The following ZFP37 variants were observed in gnomAD, a reference collection of about 807,000 sequenced individuals.
ZFP37 encodes zinc finger protein 37 homolog.
ZFP37 carries 38 observed loss-of-function variants against 52.1 expected under a neutral mutation model. The observed-to-expected ratio is 0.73, with a 90% CI of 0.56 to 0.96. ZFP37 has a LOEUF of 0.96. Among genes scored for constraint, ZFP37 ranks in the 40% least tolerant of loss-of-function variants. The pLI is 0.00. For missense variants in ZFP37, 695 were observed against 741.4 expected (o/e 0.94, Z 0.73); for synonymous variants, 253 against 259.5 (o/e 0.98, Z 0.24).
chr9:113,045,543 C>T (rs1188023613), intron 3 of ZFP37, among the ~76,000 whole-genome samples: 2 of 152,154 alleles, frequency 1.3e-5, no homozygotes, highest in Non-Finnish European at 2.9e-5. Context: ...TGCTCATATT[C>T]TTTCTGCCAT....
rs1407151655 is a variant in ZFP37 at position 113,039,075 on chromosome 9, T to C, written c.*3650A>G. The C allele has an allele frequency of 1.3e-5, 2 of 152,192 alleles. No individual in the cohort carries two copies. The highest frequency in any genetic ancestry group is 2.9e-5 in the Non-Finnish European group (2 of 68,018). The allele number at this position is 152,192 out of a possible 1,614,324, so 9.4% of individuals were successfully genotyped here. ...TATTACTCAATTTTTGAAGGAATCA[T>C]GCTTTATTTAATCAATTAACTAGCA... On this transcript the variant is annotated 3_prime_UTR_variant, in exon 4 of 4. Transcript: ENST00000374227.
rs1828806537 is a variant in ZFP37, at chr9:113,039,100, A to G, written c.*3625T>C. ...TGCTTTATTTAATCAATTAACTAGC[A>G]ATGTATATGCTATTTCTCTCTGTTC... is the stretch of plus-strand genomic sequence containing the variant. On this transcript the variant is annotated 3_prime_UTR_variant, in exon 4 of 4. Coordinates refer to ENST00000374227, the MANE Select transcript of ZFP37 (RefSeq NM_003408.3). 6.6e-6 allele frequency: 1 copy of G among 152,188 alleles called. No homozygotes were observed. Among genetic ancestry groups the G allele is most frequent in the Non-Finnish European group, 1.5e-5 (1 of 68,018 alleles). 9.4% of individuals were successfully genotyped at this position (152,188 alleles called of 1,614,324 possible).
In ZFP37 at chr9:113,043,873, G is replaced by T; in HGVS notation, c.745C>A (p.His249Asn). Residue 249 changes from histidine (H) to asparagine (N), a missense_variant, in exon 4 of 4, where the codon CAT becomes AAT. Transcript: ENST00000374227. Reference protein sequence around the residue: ...SDKCNKTGKKHDKLCCHSSSH... With the variant: ...SDKCNKTGKKNDKLCCHSSSH... ...GAACTATGACAGCATAATTTGTCAT[G>T]TTTTTTGCCAGTTTTGTTACACTTA... 1.2e-6 allele frequency: 2 copies of T among 1,614,012 alleles called. No homozygotes were observed. Among genetic ancestry groups the T allele is most frequent in the South Asian group, 2.2e-5 (2 of 91,084 alleles).
At chr9:113,054,366 C>T (rs1332577190) in intron 1 of ZFP37, among the ~76,000 whole-genome samples, 1 of 152,134 alleles carries the variant, frequency 6.6e-6, no homozygotes, top group Non-Finnish European at 1.5e-5. Context: ...GTGACCCAGC[C>T]CTCTGTCCCT....
At position 113,043,153 on chromosome 9, in the gene ZFP37, A is replaced by G. The variant is rs1006224118; in HGVS notation, c.1465T>C (p.Tyr489His). ...GCTTTTCCACACTCATTACATTTATAAGGTTTCTCCTTAGTATGAGTTCTT... is the reference window on the plus strand; with the variant it reads ...GCTTTTCCACACTCATTACATTTATGAGGTTTCTCCTTAGTATGAGTTCTT... ...HQRTHTKEKP[Y>H]KCNECGKAFG... Residue 489 changes from tyrosine (Y) to histidine (H), a missense_variant, in exon 4 of 4, where the codon TAT (tyrosine) becomes CAT (histidine). By Grantham distance (83) the Tyr-to-His change is moderately conservative (BLOSUM62 2). This residue lies in a region of ZFP37 where 326 missense variants were observed against 400.5 expected (regional missense o/e 0.81). Coordinates refer to ENST00000374227, the MANE Select transcript of ZFP37 (RefSeq NM_003408.3). 2.5e-6 allele frequency: 4 copies of G among 1,613,786 alleles called. No individual in the cohort carries two copies. Among genetic ancestry groups the G allele is most frequent in the Non-Finnish European group, 3.4e-6 (4 of 1,179,952 alleles).
Position 113,038,936 on chromosome 9 carries a change from C to T in ZFP37, c.*3789G>A, listed in dbSNP as rs1828804658. 6.6e-6 allele frequency: 1 copy of T among 152,106 alleles called. No homozygotes were observed. The highest frequency in any genetic ancestry group is 6.6e-5 in the Admixed American group (1 of 15,260). The allele number at this position is 152,106 out of a possible 1,614,324, so 9.4% of individuals were successfully genotyped here. A position where few individuals can be genotyped will look rare whatever the true frequency, so the allele number is the denominator to read the frequency against. On this transcript the variant is annotated 3_prime_UTR_variant, in exon 4 of 4. Coordinates refer to ENST00000374227, the MANE Select transcript of ZFP37 (RefSeq NM_003408.3). ...TTTAATTTTCTTCAATATTGGATTA[C>T]TCACTTGATGCCTGGAGATGCATCA...
Position 113,043,705 on chromosome 9 carries a change from T to C in ZFP37, c.913A>G (p.Lys305Glu), listed in dbSNP as rs772661441. The C allele has an allele frequency of 1.2e-6, 2 of 1,614,090 alleles. No homozygotes were observed. The highest frequency in any genetic ancestry group is 1.7e-6 in the Non-Finnish European group (2 of 1,179,982). Residue 305 changes from lysine (K) to glutamate (E), a missense_variant, in exon 4 of 4, where the codon AAA (lysine) becomes GAA (glutamate). This residue lies in a region of ZFP37 where 326 missense variants were observed against 400.5 expected (regional missense o/e 0.81). Coordinates refer to ENST00000374227, the MANE Select transcript of ZFP37 (RefSeq NM_003408.3). The part of the protein sequence containing the change: ...CNQCGKVLSH[K>E]QGLIDHQRVH... ...CTCTGATGGTCAATGAGTCCTTGTT[T>C]ATGGCTGAGAACCTTTCCACATTGA...
chr9:113,048,783 C>A (rs1424576512), intron 3 of ZFP37, among the ~76,000 whole-genome samples: 16 of 152,102 alleles, frequency 1.1e-4, no homozygotes, highest in Non-Finnish European at 1.8e-4. Flanking sequence ...ACGTTCCTAC[C>A]ATGTTGAACT....
Position 113,042,595 on chromosome 9 carries a change from A to G in ZFP37, c.*130T>C. Reference sequence around the variant, plus strand: ...ATCCACTGATTCTATATGAAGATCCATTTTCAAAGTTTCTCATGTACAACA... The same window carrying G: ...ATCCACTGATTCTATATGAAGATCCGTTTTCAAAGTTTCTCATGTACAACA... On this transcript the variant is annotated 3_prime_UTR_variant, in exon 4 of 4. Transcript: ENST00000374227. The G allele has an allele frequency of 2.8e-6, 2 of 702,636 alleles. No individual in the cohort carries two copies. Among genetic ancestry groups the G allele is most frequent in the Non-Finnish European group, 4.4e-6 (2 of 454,792 alleles). 43.5% of individuals were successfully genotyped at this position (702,636 alleles called of 1,614,324 possible).
rs1474120861 is a variant in ZFP37 at position 113,052,516 on chromosome 9, G to A, written c.133-2644C>T. Among the ~76,000 whole-genome samples the A allele has an allele frequency of 1.3e-5, 2 of 152,032 alleles. No individual in the cohort carries two copies. Among genetic ancestry groups the A allele is most frequent in the Admixed American group, 6.6e-5 (1 of 15,260 alleles). On this transcript the variant is annotated intron_variant, in intron 1 of 3. Coordinates refer to ENST00000374227, the MANE Select transcript of ZFP37 (RefSeq NM_003408.3). This position sits in a 1 kb window ranked among gnomAD's most constrained non-coding sequence, Gnocchi z 4.1. The stretch of plus-strand genomic sequence containing the variant: ...GTACAAAGTCAGTTAATCAGCATGA[G>A]GTAAAGTCCACAGGACACCAGGCAC...
Position 113,043,355 on chromosome 9 carries a change from G to C in ZFP37, c.1263C>G (p.Thr421=). The C allele has an allele frequency of 6.2e-7, 1 of 1,614,016 alleles. No individual in the cohort carries two copies. The highest frequency in any genetic ancestry group is 8.5e-7 in the Non-Finnish European group (1 of 1,179,970). The change falls in exon 4 of 4, where the codon ACC becomes ACG. Residue 421 remains threonine, a synonymous_variant. Transcript: ENST00000374227. ...GKSFRYNSSL[T]EHVRTHTGEI... is the part of the protein sequence containing the mutation. The stretch of plus-strand genomic sequence containing the variant: ...CACCTGTATGTGTTCTCACATGTTC[G>C]GTAAGAGATGAGTTATACCTAAAAG...
rs375185344 is a variant in ZFP37, at chr9:113,049,759, C to T, written c.214+32G>A. 1.0e-5 allele frequency: 16 copies of T among 1,607,994 alleles called. No individual in the cohort carries two copies. In the African/African-American group the frequency reaches 1.9e-4, roughly 19 times the overall value. ...TCCAGAGAGAAGGTATCACAGTGGACACATTTTGAATTACAAAGGAATTGT... is the reference window on the plus strand; with the variant it reads ...TCCAGAGAGAAGGTATCACAGTGGATACATTTTGAATTACAAAGGAATTGT... On this transcript the variant is annotated intron_variant, in intron 2 of 3. Coordinates refer to ENST00000374227, the MANE Select transcript of ZFP37 (RefSeq NM_003408.3).
rs557821834 is a variant in ZFP37 at position 113,038,535 on chromosome 9, C to T, written c.*4190G>A. On this transcript the variant is annotated 3_prime_UTR_variant, in exon 4 of 4. Coordinates refer to ENST00000374227, the MANE Select transcript of ZFP37 (RefSeq NM_003408.3). ...TGGTAGCTCACACTTTTAATCACAG[C>T]ACTTTGGGAGGCCAAGGTGGGCAGA... 2.0e-5 allele frequency: 3 copies of T among 151,524 alleles called. No individual in the cohort carries two copies. Among genetic ancestry groups the T allele is most frequent in the Non-Finnish European group, 2.9e-5 (2 of 67,968 alleles). The allele number at this position is 151,524 out of a possible 1,614,324, so 9.4% of individuals were successfully genotyped here. A position where few individuals can be genotyped will look rare whatever the true frequency, so the allele number is the denominator to read the frequency against.
chr9:113,051,384 T>C (rs1433932215), intron 1 of ZFP37, among the ~76,000 whole-genome samples: 1 of 152,178 alleles, frequency 6.6e-6, no homozygotes, highest in Non-Finnish European at 1.5e-5. Context: ...TATTCAAACA[T>C]GTTTGTCTAA....
chr9:113,047,065 C>T (rs1828970419), intron 3 of ZFP37, among the ~76,000 whole-genome samples: 2 of 150,006 alleles, frequency 1.3e-5, no homozygotes, highest in Admixed American at 6.7e-5. Context: ...GCCGAGATTG[C>T]GCCACTGCAC....
At chr9:113,051,273 G>T (rs1038215987) in intron 1 of ZFP37, among the ~76,000 whole-genome samples, 3 of 152,108 alleles carry the variant, frequency 2.0e-5, no homozygotes, top group East Asian at 3.8e-4. Flanking sequence ...CCTAACTAGG[G>T]GGGTGGGAGT....
Position 113,043,671 on chromosome 9 carries a change from G to T in ZFP37, c.947C>A (p.Thr316Asn), listed in dbSNP as rs559488156. Reference protein sequence around the residue: ...QGLIDHQRVHTGEKPYECNEC... With the variant: ...QGLIDHQRVHNGEKPYECNEC... ...ATTACATTCATATGGTTTCTCCCCAGTATGAACTCTCTGATGGTCAATGAG... is the reference window on the plus strand; with the variant it reads ...ATTACATTCATATGGTTTCTCCCCATTATGAACTCTCTGATGGTCAATGAG... The change falls in exon 4 of 4, where the codon ACT (threonine) becomes AAT (asparagine). Residue 316 changes from threonine (T) to asparagine (N), a missense_variant. Coordinates refer to ENST00000374227, the MANE Select transcript of ZFP37 (RefSeq NM_003408.3). The T allele has an allele frequency of 2.7e-5, 44 of 1,613,986 alleles. No individual in the cohort carries two copies. Among genetic ancestry groups the T allele is most frequent in the Non-Finnish European group, 3.6e-5 (43 of 1,179,970 alleles).
At chr9:113,051,967 C>A (rs1447979147) in intron 1 of ZFP37, among the ~76,000 whole-genome samples, 3 of 152,172 alleles carry the variant, frequency 2.0e-5, no homozygotes, top group Non-Finnish European at 4.4e-5. Context: ...TCCCCAGCCA[C>A]TTGCCCCCAC....
rs1335096150 is a variant in ZFP37, at chr9:113,052,389, G to A, written c.133-2517C>T. 6.6e-6 allele frequency among the ~76,000 whole-genome samples: 1 copy of A among 152,078 alleles called. No individual in the cohort carries two copies. Among genetic ancestry groups the A allele is most frequent in the Non-Finnish European group, 1.5e-5 (1 of 68,016 alleles). On this transcript the variant is annotated intron_variant, in intron 1 of 3. Transcript: ENST00000374227. The surrounding 1 kb of genome is among the most constrained non-coding windows in gnomAD (Gnocchi z 4.1). The stretch of plus-strand genomic sequence containing the variant: ...CATAGCTTATTTATAGTATCACCAG[G>A]TTTTCAGCCATTAACCCTTCTGGGT...
Sources: gnomAD v4.1 joint callset for allele counts (sites outside exome capture counted in the v4.1 genomes callset) on GRCh38, gnomAD v4.1.1 for gene constraint, gnomAD v4.1.1 regional missense constraint, Gnocchi (gnomAD v3.1) non-coding constraint, MANE v1.5 for transcripts, NCBI Gene and HGNC (gene_info 2026-07-23, HGNC 2026-07-21) for gene names.